Variants in ITIH3 observed in about 807,000 individuals in gnomAD.
ITIH3 encodes the protein inter-alpha-trypsin inhibitor heavy chain 3.
A neutral mutation model predicts 96.5 loss-of-function variants in ITIH3; 81 were observed. That is an observed-to-expected ratio of 0.84 (90% CI 0.70 to 1.01). The LOEUF (loss-of-function observed/expected upper bound fraction) is 1.01. Ranked by LOEUF, ITIH3 falls within the 50% of genes least tolerant of loss-of-function variation. ITIH3 has a pLI of 0.00. For synonymous variants in ITIH3, 422 were observed against 445.2 expected, an observed-to-expected ratio of 0.95 and a Z score of 0.66; for missense variants, 1,057 against 1,139.3, an observed-to-expected ratio of 0.93 and a Z score of 1.04.
Position 52,794,828 on chromosome 3 carries a change from C to A in ITIH3, c.25C>A (p.Leu9Ile). ...GATGGCATTTGCATGGTGGCCCTGT[C>A]TCATCTTGGCTCTGCTCTCCAGCTT... is the stretch of plus-strand genomic sequence containing the variant. MAFAWWPC[L>I]ILALLSSLAA... The change falls in exon 1 of 22, where the codon CTC becomes ATC. Residue 9 changes from leucine (L) to isoleucine (I), a missense_variant. Leu to Ile is a conservative substitution (Grantham distance 5, BLOSUM62 2). Coordinates refer to ENST00000449956, the MANE Select transcript of ITIH3 (RefSeq NM_002217.4). 1 of 1,614,028 alleles carries A rather than the reference C, an allele frequency of 6.2e-7. No individual in the cohort carries two copies. Among genetic ancestry groups the A allele is most frequent in the Non-Finnish European group, 8.5e-7 (1 of 1,179,872 alleles).
chr3:52,796,253 G>A (rs572595433), intron 2 of ITIH3, among the ~76,000 whole-genome samples: 19 of 152,152 alleles, frequency 1.2e-4, no homozygotes, highest in Non-Finnish European at 2.1e-4. Flanking sequence ...GTGTGTAAAC[G>A]GATCGCAGAA....
At chr3:52,808,464 C>A in intron 21 of ITIH3, 88 bp from the exon 22 acceptor site, 1 of 1,549,520 alleles carries the variant, frequency 6.5e-7, no homozygotes, top group Non-Finnish European at 8.9e-7. Context: ...GAATTGCCAA[C>A]TTCCCACCCT....
chr3:52,808,521 G>A (rs1278552729), intron 21 of ITIH3, 31 bp from the exon 22 acceptor site: 16 of 1,608,118 alleles, frequency 9.9e-6, no homozygotes, highest in South Asian at 2.2e-5. Flanking sequence ...TACCCACCCC[G>A]TGTATTGCAG....
Position 52,797,890 on chromosome 3 carries a change from T to C in ITIH3, c.623T>C (p.Leu208Pro). The C allele has an allele frequency of 6.2e-7, 1 of 1,608,536 alleles. No individual in the cohort carries two copies. Among genetic ancestry groups the C allele is most frequent in the African/African-American group, 1.3e-5 (1 of 74,906 alleles). Residue 208 changes from leucine to proline, a missense_variant, in exon 6 of 22, where the codon CTC (leucine) becomes CCC (proline). By Grantham distance (98) the Leu-to-Pro change is moderately conservative. Coordinates refer to ENST00000449956, the MANE Select transcript of ITIH3 (RefSeq NM_002217.4). ...GAGGCCTCTTTCATCACCAACGACCTCCTGGGAAGCGCCCTCACCAAGTCC... is the reference window on the plus strand; with the variant it reads ...GAGGCCTCTTTCATCACCAACGACCCCCTGGGAAGCGCCCTCACCAAGTCC... ...DAEASFITND[L>P]LGSALTKSFS...
At position 52,808,576 on chromosome 3, in the gene ITIH3, G is replaced by A. The variant is rs748258137; in HGVS notation, c.2568G>A (p.Lys856=). Residue 856 remains lysine (K), a synonymous_variant, in exon 22 of 22, where the codon AAG becomes AAA. Transcript: ENST00000449956. ...VTRGSQKDYR[K]DASIGTKVVC... is the part of the protein sequence containing the mutation. ...GGGGCTCCCAGAAAGACTACAGAAAGGATGCCAGCATCGGCACGAAGGTTG... is the reference window on the plus strand; with the variant it reads ...GGGGCTCCCAGAAAGACTACAGAAAAGATGCCAGCATCGGCACGAAGGTTG... The A allele has an allele frequency of 1.1e-5, 17 of 1,613,874 alleles. No individual in the cohort carries two copies. The highest frequency in any genetic ancestry group is 1.2e-5 in the Non-Finnish European group (14 of 1,179,882).
chr3:52,803,548 A>C (rs1340664126), intron 13 of ITIH3, among the ~76,000 whole-genome samples: 1 of 151,974 alleles, frequency 6.6e-6, no homozygotes, highest in African/African-American at 2.4e-5. Flanking sequence ...CGAACTCCTG[A>C]CCTCAGGTGA....
At position 52,798,718 on chromosome 3, in the gene ITIH3, T is replaced by C. The variant is rs1578753626; in HGVS notation, c.664-248T>C. 16 of 529,140 alleles carry C rather than the reference T, an allele frequency of 3.0e-5. No homozygotes were observed. In the East Asian group the frequency reaches 5.0e-4, roughly 17 times the overall value. The allele number at this position is 529,140 out of a possible 1,614,324, so 32.8% of individuals were successfully genotyped here. A position where few individuals can be genotyped will look rare whatever the true frequency, so the allele number is the denominator to read the frequency against. On this transcript the variant is annotated intron_variant, in intron 6 of 21. Coordinates refer to ENST00000449956, the MANE Select transcript of ITIH3 (RefSeq NM_002217.4). ...CTGTGCCCAGCCAGGAGCCCTGATC[T>C]CCAAGGGGAAAAGCGGTGCTCAGAA... is the stretch of plus-strand genomic sequence containing the variant.
chr3:52,807,600 T>A, intron 19 of ITIH3, 147 bp from the exon 20 acceptor site: 1 of 693,406 alleles, frequency 1.4e-6, no homozygotes, highest in Admixed American at 2.8e-5. Flanking sequence ...TGAGGCATCC[T>A]CTTTCCAACG....
Position 52,799,904 on chromosome 3 carries a change from G to A in ITIH3, c.1058G>A (p.Ser353Asn). 1 of 1,613,790 alleles carries A rather than the reference G, an allele frequency of 6.2e-7. No individual in the cohort carries two copies. Among genetic ancestry groups the A allele is most frequent in the East Asian group, 2.2e-5 (1 of 44,882 alleles). Residue 353 changes from serine (S) to asparagine (N), a missense_variant, in exon 9 of 22, where the codon AGC (serine) becomes AAC (asparagine). Transcript: ENST00000449956. Reference protein sequence around the residue: ...NLQEARTFVKSMEDKGMTNIN... With the variant: ...NLQEARTFVKNMEDKGMTNIN... ...CAGGAGGCCAGGACGTTTGTGAAGA[G>A]CATGGAGGATAAAGGAAGTAAGAGC...
intron 19 of ITIH3, 91 bp downstream of exon 19, chr3:52,807,196 A>T: frequency 9.0e-7 from 1 of 1,116,526 alleles, no homozygotes; most frequent in Non-Finnish European, 1.3e-6. Context: ...AGGACAGGAG[A>T]TCCATGGGGG....
At position 52,797,171 on chromosome 3, in the gene ITIH3, C is replaced by T. The variant is rs1487566608; in HGVS notation, c.453C>T (p.Thr151=). 6.2e-7 allele frequency: 1 copy of T among 1,609,310 alleles called. No individual in the cohort carries two copies. Among genetic ancestry groups the T allele is most frequent in the African/African-American group, 1.3e-5 (1 of 74,844 alleles). Residue 151 remains threonine, a synonymous_variant, in exon 5 of 22, where the codon ACC becomes ACT. Transcript: ENST00000449956. ...ACGTGGCTGCAGGCAGCAAAGTCAC[C>T]TTCGAGCTAACCTACGAGGAGCTGC... ...SVNVAAGSKV[T]FELTYEELLK...
Position 52,802,816 on chromosome 3 carries a change from G to C in ITIH3, c.1709+10G>C, listed in dbSNP as rs754845223. The C allele has an allele frequency of 3.1e-5, 50 of 1,613,516 alleles. No individual in the cohort carries two copies. The highest frequency in any genetic ancestry group is 4.0e-5 in the Non-Finnish European group (47 of 1,179,736). The stretch of plus-strand genomic sequence containing the variant: ...AGCTGCTGGAGAAGCGGTGAGCAGA[G>C]TCCCAGCCCCCACCTGTGCCTACCC... On this transcript the variant is annotated intron_variant, in intron 13 of 21. Transcript: ENST00000449956.
In ITIH3 at chr3:52,803,911, CCCT is replaced by C; in HGVS notation, c.1768_1770del (p.Leu590del). 1 of 1,613,986 alleles carries C rather than the reference CCCT, an allele frequency of 6.2e-7. No individual in the cohort carries two copies. ...CTCACGGCCCGGGCCCTGGACCTGTCCCTCAAGTATCACTTTGTGACTCCACTG... is the reference window on the plus strand; with the variant it reads ...CTCACGGCCCGGGCCCTGGACCTGTCCAAGTATCACTTTGTGACTCCACTG... On this transcript the variant is annotated inframe_deletion, in exon 14 of 22. Coordinates refer to ENST00000449956, the MANE Select transcript of ITIH3 (RefSeq NM_002217.4).
In ITIH3 at chr3:52,799,831, G is replaced by T; in HGVS notation, c.985G>T (p.Val329Leu). Residue 329 changes from valine (V) to leucine (L), a missense_variant, in exon 9 of 22, where the codon GTG becomes TTG. Transcript: ENST00000449956. ...GAATTTCATCCTGTTCAGTGGAGAT[G>T]TGTCCACATGGAAAGAGCACTTAGT... ...YLNFILFSGD[V>L]STWKEHLVQA... The T allele has an allele frequency of 1.2e-6, 2 of 1,613,860 alleles. No individual in the cohort carries two copies. Among genetic ancestry groups the T allele is most frequent in the Non-Finnish European group, 1.7e-6 (2 of 1,179,766 alleles).
chr3:52,795,873 C>G, intron 2 of ITIH3: 3 of 524,834 alleles, frequency 5.7e-6, no homozygotes, highest in African/African-American at 1.9e-5. Context: ...TCCGCAGACA[C>G]TTCCTTAGCA....
chr3:52,797,746 C>G (rs1010784092), intron 5 of ITIH3, 71 bp from the exon 6 acceptor site: 1 of 932,064 alleles, frequency 1.1e-6, no homozygotes, highest in Non-Finnish European at 1.7e-6. Flanking sequence ...CCATCTCATT[C>G]CCATTGGCCT....
In ITIH3 at chr3:52,796,564, A is replaced by T. The variant is rs1699588571; in HGVS notation, c.198A>T (p.Arg66Ser). ...TTGCTCACAATGTTGTCACCATGAGAGCCGTCAACCGTGCAGACACGGCCA... is the reference window on the plus strand; with the variant it reads ...TTGCTCACAATGTTGTCACCATGAGTGCCGTCAACCGTGCAGACACGGCCA... The part of the protein sequence containing the change: ...SRFAHNVVTM[R>S]AVNRADTAKE... The change falls in exon 3 of 22, where the codon AGA (arginine) becomes AGT (serine). Residue 66 changes from arginine (R) to serine (S), a missense_variant. Arg to Ser is a moderately radical substitution (Grantham distance 110). Coordinates refer to ENST00000449956, the MANE Select transcript of ITIH3 (RefSeq NM_002217.4). 1 of 1,613,682 alleles carries T rather than the reference A, an allele frequency of 6.2e-7. No individual in the cohort carries two copies. The highest frequency in any genetic ancestry group is 8.5e-7 in the Non-Finnish European group (1 of 1,179,780).
At chr3:52,795,781 T>C in intron 2 of ITIH3, 158 bp downstream of exon 2, 1 of 667,310 alleles carries the variant, frequency 1.5e-6, no homozygotes, top group South Asian at 2.0e-5. Context: ...GCAGGACTCC[T>C]GGGAAAGAGC....
intron 14 of ITIH3, 131 bp from the exon 15 acceptor site, chr3:52,804,595 G>C (rs1277814052): frequency 2.2e-6 from 2 of 899,542 alleles, no homozygotes; most frequent in Non-Finnish European, 1.7e-6. Context: ...ACACCCAGTG[G>C]GGGAAGAGCT....
Sources: allele counts gnomAD v4.1 joint callset (sites outside exome capture counted in the v4.1 genomes callset), GRCh38; gene constraint gnomAD v4.1.1; transcripts MANE v1.5; gene names NCBI Gene and HGNC (gene_info 2026-07-23, HGNC 2026-07-21).